USP48: variants seen among roughly 807,000 people sequenced by gnomAD.
USP48 encodes the protein ubiquitin carboxyl-terminal hydrolase 48.
USP48 carries 43 observed loss-of-function variants against 150.7 expected under a neutral mutation model. The observed-to-expected ratio is 0.29, with a 90% CI of 0.22 to 0.37. The LOEUF (loss-of-function observed/expected upper bound fraction) is 0.37. Among genes scored for constraint, USP48 ranks in the 10% least tolerant of loss-of-function variants. The pLI, the probability that USP48 is intolerant of heterozygous loss-of-function variation, is 1.00. For missense variants in USP48, 813 were observed against 1,249.6 expected (o/e 0.65, Z 5.27); for synonymous variants, 396 against 425.9 (o/e 0.93, Z 0.86).
intron 1 of USP48, among the ~76,000 whole-genome samples, chr1:21,773,903 CAAGGTGGA>C (rs1180455755): frequency 6.6e-6 from 1 of 152,044 alleles, no homozygotes; most frequent in South Asian, 2.1e-4. Flanking sequence ...TTTGGGAGGG[CAAGGTGGA>C]AGGACTGCTT....
chr1:21,766,211 A>T (rs759618228), intron 1 of USP48, among the ~76,000 whole-genome samples: 6 of 152,024 alleles, frequency 3.9e-5, no homozygotes, highest in Non-Finnish European at 8.8e-5. Context: ...AACTTCTACT[A>T]AGAATATAAA....
At chr1:21,726,199 A>G (rs2097736696) in intron 11 of USP48, among the ~76,000 whole-genome samples, 1 of 152,148 alleles carries the variant, frequency 6.6e-6, no homozygotes, top group African/African-American at 2.4e-5. Flanking sequence ...GGAATCTAGG[A>G]AAGCTCAAAA....
At chr1:21,680,725 A>G in intron 26 of USP48, 83 bp downstream of exon 26, 1 of 1,339,538 alleles carries the variant, frequency 7.5e-7, no homozygotes, top group South Asian at 1.3e-5. Flanking sequence ...TAAAATTTAA[A>G]ATCAAATTAT....
chr1:21,721,782 TGAAAG>T lies in USP48; in HGVS notation c.1649-23_1649-19del. 6.6e-7 allele frequency: 1 copy of T among 1,504,176 alleles called. No individual in the cohort carries two copies. The highest frequency in any genetic ancestry group is 9.0e-7 in the Non-Finnish European group (1 of 1,105,600). 93.2% of individuals were successfully genotyped at this position (1,504,176 alleles called of 1,614,324 possible). A position where few individuals can be genotyped will look rare whatever the true frequency, so the allele number is the denominator to read the frequency against. ...GGCTTTCACTACAGGCAAGAAAGAA[TGAAAG>T]GAAATATATTTCATTCAAACAGACT... On this transcript the variant is annotated intron_variant, in intron 12 of 26. Transcript: ENST00000308271.
chr1:21,701,419 G>C (rs2097656566), intron 22 of USP48, 79 bp downstream of exon 22: 3 of 1,161,732 alleles, frequency 2.6e-6, no homozygotes, highest in Non-Finnish European at 3.9e-6. Flanking sequence ...AGGGTACAGA[G>C]ACATGGCCAG....
At chr1:21,686,664 TC>T (rs2152495182) in intron 25 of USP48, 1 of 153,900 alleles carries the variant, frequency 6.5e-6, no homozygotes, top group South Asian at 2.0e-4. Flanking sequence ...AGAGATGGTC[TC>T]CTATTTGGTA....
chr1:21,731,511 T>G (rs961689202), intron 9 of USP48, among the ~76,000 whole-genome samples: 1 of 149,968 alleles, frequency 6.7e-6, no homozygotes, highest in Non-Finnish European at 1.5e-5. Context: ...TGATCCTCCC[T>G]CCTCGGCCTC....
At chr1:21,750,344 CT>C (rs1265198065) in intron 6 of USP48, among the ~76,000 whole-genome samples, 2 of 152,106 alleles carry the variant, frequency 1.3e-5, no homozygotes, top group Non-Finnish European at 2.9e-5. Context: ...GGGCTCACCC[CT>C]TCACCTTCAA....
At position 21,684,279 on chromosome 1, in the gene USP48, G is replaced by A. The variant is rs1447298294; in HGVS notation, c.3058+2912C>T. On this transcript the variant is annotated intron_variant, in intron 25 of 26. Coordinates refer to ENST00000308271, the MANE Select transcript of USP48 (RefSeq NM_032236.8). Reference sequence around the variant, plus strand: ...TCCGTATAAGAGTTCCCTTTTCTCTGCATCCTAGTTACATGTTATTGTCTT... The same window carrying A: ...TCCGTATAAGAGTTCCCTTTTCTCTACATCCTAGTTACATGTTATTGTCTT... Among the ~76,000 whole-genome samples, 4 of 152,218 alleles carry A rather than the reference G, an allele frequency of 2.6e-5. No homozygotes were observed. The East Asian group carries it at 7.7e-4, about 29-fold the overall frequency.
At chr1:21,759,206 G>C (rs1237136508) in intron 1 of USP48, among the ~76,000 whole-genome samples, 2 of 123,394 alleles carry the variant, frequency 1.6e-5, no homozygotes, top group African/African-American at 5.9e-5. Flanking sequence ...AAAAAAAAAA[G>C]GAATCAACAA....
chr1:21,747,785 C>T (rs1476066866), intron 7 of USP48, among the ~76,000 whole-genome samples: 1 of 152,102 alleles, frequency 6.6e-6, no homozygotes, highest in South Asian at 2.1e-4. Context: ...GTTGGCCCGG[C>T]TGATCTCGAA....
At chr1:21,704,599 A>G (rs1180644619) in intron 19 of USP48, 2 of 469,320 alleles carry the variant, frequency 4.3e-6, no homozygotes, top group Non-Finnish European at 7.3e-6. Flanking sequence ...CTGAAATTAC[A>G]TGAATCAACA....
intron 7 of USP48, among the ~76,000 whole-genome samples, chr1:21,747,437 C>T (rs1388781427): frequency 1.3e-5 from 2 of 152,212 alleles, no homozygotes; most frequent in Non-Finnish European, 2.9e-5. Flanking sequence ...TGCACATGTG[C>T]AAACATTGCC....
In USP48 at chr1:21,747,120, GTA is replaced by G; in HGVS notation, c.936_937del (p.Thr313LeufsTer17). 6.2e-7 allele frequency: 1 copy of G among 1,611,352 alleles called. No individual in the cohort carries two copies. The highest frequency in any genetic ancestry group is 8.5e-7 in the Non-Finnish European group (1 of 1,179,590). On this transcript the variant is annotated frameshift_variant, in exon 8 of 27. Transcript: ENST00000308271. LOFTEE classifies it high-confidence loss of function. ...CAAAATTTCTGAGAAGCCAATGTAG[GTA>G]TTCAGCTTTTTCTTATGTCCAGTTT...
intron 12 of USP48, among the ~76,000 whole-genome samples, chr1:21,722,766 T>C (rs1571861002): frequency 6.6e-6 from 1 of 151,478 alleles, no homozygotes; most frequent in African/African-American, 2.4e-5. Flanking sequence ...CCTGAGGAGG[T>C]TGAAGCTGCA....
intron 15 of USP48, among the ~76,000 whole-genome samples, chr1:21,708,179 A>G (rs1035112006): frequency 5.3e-5 from 8 of 151,966 alleles, no homozygotes; most frequent in African/African-American, 1.9e-4. Flanking sequence ...ACAAAACAAA[A>G]CAACACAAAA....
intron 25 of USP48, among the ~76,000 whole-genome samples, chr1:21,684,019 A>G (rs1049287601): frequency 2.0e-5 from 3 of 152,156 alleles, no homozygotes; most frequent in East Asian, 1.9e-4. Context: ...TAAATATAAC[A>G]TATCAAGGCA....
At chr1:21,768,480 GT>G (rs1320753723) in intron 1 of USP48, 1 of 152,372 alleles carries the variant, frequency 6.6e-6, no homozygotes, top group African/African-American at 2.4e-5. Context: ...GACCTCAACT[GT>G]GACAGGCAGT....
Position 21,705,767 on chromosome 1 carries a change from T to G in USP48, c.2344A>C (p.Met782Leu). The G allele has an allele frequency of 6.2e-7, 1 of 1,612,286 alleles. No individual in the cohort carries two copies. Among genetic ancestry groups the G allele is most frequent in the Non-Finnish European group, 8.5e-7 (1 of 1,179,496 alleles). Residue 782 changes from methionine to leucine, a missense_variant, in exon 19 of 27, where the codon ATG (methionine) becomes CTG (leucine). Met to Leu is a conservative substitution (Grantham distance 15). Transcript: ENST00000308271. The stretch of plus-strand genomic sequence containing the variant: ...TTGGTCATGGAAGCAAATGTAAACA[T>G]GAGGCCCCCGTGGGGACACAAAAGA... ...SALLCPHGGLMFTFASMTKED... is the reference protein window; with the variant it reads ...SALLCPHGGLLFTFASMTKED...
Sources: allele counts gnomAD v4.1 joint callset (sites outside exome capture counted in the v4.1 genomes callset), GRCh38; gene constraint gnomAD v4.1.1; transcripts MANE v1.5; gene names NCBI Gene and HGNC (gene_info 2026-07-23, HGNC 2026-07-21).